CNTN4: variants seen among roughly 807,000 people sequenced by gnomAD.
CNTN4 encodes the protein contactin 4, also known as contactin-4.
In CNTN4, 77 loss-of-function variants were observed where a neutral mutation model predicts 122.5. The ratio of observed to expected loss-of-function variants is 0.63; its 90% CI spans 0.52 to 0.76. The LOEUF (loss-of-function observed/expected upper bound fraction) is 0.76. CNTN4 is among the 30% of genes least tolerant of loss of function. The probability of loss-of-function intolerance (pLI) is 0.00; values close to 1 mark genes in which losing one functional copy is unlikely to be tolerated. For missense variants in CNTN4, 1,256 were observed against 1,259.1 expected, an observed-to-expected ratio of 1.00 and a Z score of 0.04; for synonymous variants, 512 against 447.0, an observed-to-expected ratio of 1.15 and a Z score of -1.83.
intron 3 of CNTN4, among the ~76,000 whole-genome samples, chr3:2,386,501 A>C (rs564215008): frequency 1.1e-4 from 16 of 152,352 alleles, no homozygotes; most frequent in African/African-American, 3.8e-4. Flanking sequence ...CATTGTTTGC[A>C]ATATGTGTTT....
chr3:2,503,038 C>T (rs779259267), intron 3 of CNTN4, among the ~76,000 whole-genome samples: 1 of 152,014 alleles, frequency 6.6e-6, no homozygotes, highest in South Asian at 2.1e-4. Flanking sequence ...GATAGGTATA[C>T]AAAACTGAAT....
intron 3 of CNTN4, among the ~76,000 whole-genome samples, chr3:2,434,074 T>G (rs1365089757): frequency 6.6e-6 from 1 of 152,152 alleles, no homozygotes; most frequent in East Asian, 1.9e-4. Flanking sequence ...GAATAAGCTT[T>G]GGTGATCTAT....
intron 3 of CNTN4, among the ~76,000 whole-genome samples, chr3:2,441,258 A>T (rs1242417000): frequency 6.6e-6 from 1 of 152,202 alleles, no homozygotes; most frequent in Non-Finnish European, 1.5e-5. Context: ...GAACTCCATT[A>T]TTGGGATGAG....
rs567691290 is a variant in CNTN4, at chr3:2,805,675, G to C, written c.359-13811G>C. On this transcript the variant is annotated intron_variant, in intron 6 of 24. Transcript: ENST00000418658. ...ACCTGCATTGAAAACAATGGGGGCAGTGAGCAGGGCCGAGGTGGAGATTGA... is the reference window on the plus strand; with the variant it reads ...ACCTGCATTGAAAACAATGGGGGCACTGAGCAGGGCCGAGGTGGAGATTGA... Among the ~76,000 whole-genome samples the C allele has an allele frequency of 3.9e-5, 6 of 152,274 alleles. No homozygotes were observed. In the East Asian group the frequency reaches 7.7e-4, roughly 20 times the overall value.
chr3:2,315,047 A>C (rs2043046888), intron 2 of CNTN4, among the ~76,000 whole-genome samples: 1 of 152,112 alleles, frequency 6.6e-6, no homozygotes, highest in Non-Finnish European at 1.5e-5. Flanking sequence ...TAAATAATAA[A>C]ATCCACTGAA....
intron 2 of CNTN4, among the ~76,000 whole-genome samples, chr3:2,252,686 C>G (rs1442604005): frequency 2.0e-5 from 3 of 152,040 alleles, no homozygotes; most frequent in African/African-American, 7.2e-5. Flanking sequence ...TTAACTCACA[C>G]ACTAAGAAAG....
chr3:2,396,397 T>C (rs2046641938), intron 3 of CNTN4, among the ~76,000 whole-genome samples: 1 of 152,140 alleles, frequency 6.6e-6, no homozygotes, highest in Non-Finnish European at 1.5e-5. Flanking sequence ...TCAGAAATCA[T>C]GTTAAAGACC....
In CNTN4 at chr3:2,287,608, A is replaced by AAGAAGGAGAAGGAGAAGG. The variant is rs1188068296; in HGVS notation, c.-144-51558_-144-51541dup. Among the ~76,000 whole-genome samples the AAGAAGGAGAAGGAGAAGG allele has an allele frequency of 7.8e-5, 9 of 114,906 alleles. 1 individual carries two copies. The highest frequency in any genetic ancestry group is 1.9e-4 in the African/African-American group (6 of 31,106). The allele number at this position is 114,906 out of a possible 152,430, so 75.4% of individuals were successfully genotyped here. A position where few individuals can be genotyped will look rare whatever the true frequency, so the allele number is the denominator to read the frequency against. On this transcript the variant is annotated intron_variant, in intron 2 of 24. Transcript: ENST00000418658. ...ACAGAGTGAGACCCTGTCTAAAGAA[A>AAGAAGGAGAAGGAGAAGG]AGAAGGAGAAGGAGAAGGAGAAGGA...
chr3:2,410,684 C>G (rs936695005), intron 3 of CNTN4, among the ~76,000 whole-genome samples: 1 of 152,042 alleles, frequency 6.6e-6, no homozygotes, highest in African/African-American at 2.4e-5. Context: ...GCACAGAAAA[C>G]CAATTTCAGA....
At chr3:2,432,522 A>G (rs879571349) in intron 3 of CNTN4, among the ~76,000 whole-genome samples, 7 of 152,138 alleles carry the variant, frequency 4.6e-5, no homozygotes, top group African/African-American at 7.2e-5. Context: ...CAGCATTAGA[A>G]AGAGCCAGAT....
At chr3:2,906,828 G>C (rs1252713881) in intron 12 of CNTN4, among the ~76,000 whole-genome samples, 2 of 136,376 alleles carry the variant, frequency 1.5e-5, no homozygotes, top group African/African-American at 2.8e-5. Context: ...TGGGCAACAA[G>C]AGTGAAACTC....
intron 13 of CNTN4, among the ~76,000 whole-genome samples, chr3:2,971,017 C>T (rs1456803413): frequency 2.0e-5 from 3 of 152,288 alleles, no homozygotes; most frequent in African/African-American, 7.2e-5. Flanking sequence ...AAACTCCTGA[C>T]CTCAGGTGAT....
At chr3:2,388,016 G>A (rs144194234) in intron 3 of CNTN4, among the ~76,000 whole-genome samples, 20 of 152,310 alleles carry the variant, frequency 1.3e-4, no homozygotes, top group African/African-American at 4.8e-4. Context: ...TGACTTAAGT[G>A]TGGCATTATA....
chr3:2,562,886 GCTAA>G (rs2149438085), intron 3 of CNTN4, among the ~76,000 whole-genome samples: 1 of 151,936 alleles, frequency 6.6e-6, no homozygotes, highest in Non-Finnish European at 1.5e-5. Context: ...ACCACGGCTG[GCTAA>G]CTTTTAAATT....
intron 7 of CNTN4, among the ~76,000 whole-genome samples, chr3:2,839,843 G>A (rs2093315123): frequency 6.6e-6 from 1 of 152,174 alleles, no homozygotes. Context: ...AGCAGTACTA[G>A]GCCTTGGTCT....
At chr3:2,598,650 C>T (rs529253959) in intron 4 of CNTN4, among the ~76,000 whole-genome samples, 2 of 152,170 alleles carry the variant, frequency 1.3e-5, no homozygotes, top group East Asian at 3.9e-4. Context: ...TATAAGGAAA[C>T]TTATGTAGCC....
At chr3:2,738,101 C>G (rs2089247953) in intron 5 of CNTN4, among the ~76,000 whole-genome samples, 1 of 152,040 alleles carries the variant, frequency 6.6e-6, no homozygotes, top group African/African-American at 2.4e-5. Context: ...AAAGAGAAGG[C>G]TAAGAATTTT....
At chr3:2,520,090 A>G (rs1249535443) in intron 3 of CNTN4, among the ~76,000 whole-genome samples, 1 of 152,088 alleles carries the variant, frequency 6.6e-6, no homozygotes, top group Non-Finnish European at 1.5e-5. Context: ...AGTTAATGAC[A>G]CAGAATTCAA....
At chr3:2,284,534 A>G (rs1179160880) in intron 2 of CNTN4, among the ~76,000 whole-genome samples, 1 of 152,066 alleles carries the variant, frequency 6.6e-6, no homozygotes, top group Non-Finnish European at 1.5e-5. Flanking sequence ...CTTGAATTTA[A>G]TCAAATTTTT....
Sources: allele counts gnomAD v4.1 joint callset (sites outside exome capture counted in the v4.1 genomes callset), GRCh38; gene constraint gnomAD v4.1.1; transcripts MANE v1.5; gene names NCBI Gene and HGNC (gene_info 2026-07-23, HGNC 2026-07-21).